The following USP25 variants were observed in gnomAD, a reference collection of about 807,000 sequenced individuals.
The protein encoded by USP25 is ubiquitin specific peptidase 25.
A neutral mutation model predicts 158.5 loss-of-function variants in USP25; 85 were observed. The observed-to-expected ratio is 0.54, with a 90% confidence interval of 0.45 to 0.64. USP25 has a LOEUF of 0.64. Ranked by LOEUF, USP25 falls within the 30% of genes least tolerant of loss-of-function variation. The pLI is 0.00. For missense variants in USP25, 1,242 were observed against 1,327.3 expected, an observed-to-expected ratio of 0.94 and a Z score of 1.00; for synonymous variants, 464 against 460.4, an observed-to-expected ratio of 1.01 and a Z score of -0.10.
chr21:15,866,855 C>A (rs2146570484), intron 22 of USP25, among the ~76,000 whole-genome samples: 1 of 152,216 alleles, frequency 6.6e-6, no homozygotes, highest in Admixed American at 6.5e-5. Flanking sequence ...AGTGAAGTAA[C>A]CTGCCTAAGG....
chr21:15,752,346 G>A (rs1476550433), intron 1 of USP25, among the ~76,000 whole-genome samples: 2 of 152,036 alleles, frequency 1.3e-5, no homozygotes, highest in South Asian at 2.1e-4. Flanking sequence ...CTCCTGAGTA[G>A]CTGGGACTAC....
Position 15,799,804 on chromosome 21 carries a change from G to A in USP25, c.603G>A (p.Lys201=), listed in dbSNP as rs372058610. The A allele has an allele frequency of 1.9e-6, 3 of 1,601,168 alleles. No individual in the cohort carries two copies. Among genetic ancestry groups the A allele is most frequent in the Non-Finnish European group, 1.7e-6 (2 of 1,173,824 alleles). Residue 201 remains lysine, a synonymous_variant, in exon 6 of 26, where the codon AAG becomes AAA. Coordinates refer to ENST00000400183, the MANE Select transcript of USP25 (RefSeq NM_001283041.3). ...TTAGAAGATTAGTTCTGAATTACAA[G>A]CCTCCATCAAATGCTCAAGATTTAC... ...LEFRRLVLNY[K]PPSNAQDLPR... is the part of the protein sequence containing the mutation.
chr21:15,775,522 A>G (rs369035351), intron 3 of USP25, among the ~76,000 whole-genome samples: 1 of 152,150 alleles, frequency 6.6e-6, no homozygotes, highest in African/African-American at 2.4e-5. Flanking sequence ...GTTCAAGAAC[A>G]TACTTCTATA....
chr21:15,853,028 G>C (rs2038958386), intron 20 of USP25, among the ~76,000 whole-genome samples: 1 of 152,120 alleles, frequency 6.6e-6, no homozygotes, highest in South Asian at 2.1e-4. Context: ...CAGTAATATA[G>C]AGGTGTCTAA....
intron 20 of USP25, among the ~76,000 whole-genome samples, chr21:15,855,375 A>G (rs561617228): frequency 2.6e-5 from 4 of 152,200 alleles, no homozygotes; most frequent in Non-Finnish European, 5.9e-5. Flanking sequence ...TTATTAGAAT[A>G]TAAAACATGT....
chr21:15,784,813 A>G (rs966459766), intron 4 of USP25, among the ~76,000 whole-genome samples: 1 of 152,166 alleles, frequency 6.6e-6, no homozygotes, highest in Non-Finnish European at 1.5e-5. Flanking sequence ...GAAAACCACC[A>G]AACCACAGAA....
intron 3 of USP25, among the ~76,000 whole-genome samples, chr21:15,772,627 TTC>T (rs1445318530): frequency 2.0e-5 from 3 of 152,240 alleles, no homozygotes; most frequent in South Asian, 2.1e-4. Flanking sequence ...GCCAAAGTTA[TTC>T]TGTTTCTTTT....
intron 5 of USP25, among the ~76,000 whole-genome samples, chr21:15,794,077 C>T (rs567880862): frequency 2.0e-5 from 3 of 151,506 alleles, no homozygotes; most frequent in East Asian, 3.9e-4. Flanking sequence ...AAAATTTTCT[C>T]GGGGATGGAA....
At chr21:15,868,656 G>A (rs1301530611) in intron 22 of USP25, among the ~76,000 whole-genome samples, 1 of 152,186 alleles carries the variant, frequency 6.6e-6, no homozygotes, top group African/African-American at 2.4e-5. Flanking sequence ...ACCTGTTTTT[G>A]TAAATAAACT....
At chr21:15,772,436 T>C (rs983844679) in intron 3 of USP25, among the ~76,000 whole-genome samples, 12 of 152,354 alleles carry the variant, frequency 7.9e-5, no homozygotes, top group Admixed American at 2.0e-4. Flanking sequence ...GTGTGTGCTG[T>C]TGAATTGTAT....
chr21:15,804,940 C>T (rs2036306127), intron 6 of USP25, among the ~76,000 whole-genome samples, 181 bp from the exon 7 acceptor site: 1 of 152,062 alleles, frequency 6.6e-6, no homozygotes, highest in South Asian at 2.1e-4. Context: ...TGCTGGACTT[C>T]TTTGAGTCTC....
intron 17 of USP25, among the ~76,000 whole-genome samples, chr21:15,839,886 C>T (rs2038248399): frequency 6.6e-6 from 1 of 151,974 alleles, no homozygotes. Flanking sequence ...GTTCTTTTAT[C>T]TTTAGTGTTC....
chr21:15,783,209 A>G (rs79583439), intron 4 of USP25, among the ~76,000 whole-genome samples: 4,117 of 109,338 alleles, frequency 0.038, 190 homozygotes, highest in African/African-American at 0.12. Context: ...TCAGAAGAAG[A>G]AAAAAAAAAA....
At chr21:15,809,614 A>G (rs1170057867) in intron 8 of USP25, among the ~76,000 whole-genome samples, 1 of 152,220 alleles carries the variant, frequency 6.6e-6, no homozygotes, top group Non-Finnish European at 1.5e-5. Context: ...GATTAAAAAT[A>G]TAATCACCAT....
At chr21:15,756,162 C>T (rs1600820378) in intron 1 of USP25, among the ~76,000 whole-genome samples, 1 of 152,102 alleles carries the variant, frequency 6.6e-6, no homozygotes, top group Admixed American at 6.5e-5. Flanking sequence ...AGTTTTCTTT[C>T]CTGCTATAGG....
chr21:15,737,858 G>T (rs2031672061), intron 1 of USP25, among the ~76,000 whole-genome samples: 2 of 150,676 alleles, frequency 1.3e-5, no homozygotes. Flanking sequence ...TTCAGATTTT[G>T]GAATATTTGT....
chr21:15,777,812 T>A, intron 3 of USP25, 92 bp from the exon 4 acceptor site: 1 of 1,263,072 alleles, frequency 7.9e-7, no homozygotes, highest in South Asian at 1.9e-5. Flanking sequence ...ACTGACTGGT[T>A]TAAAGAGTAT....
At chr21:15,821,311 C>G (rs61664470) in intron 10 of USP25, among the ~76,000 whole-genome samples, 2,670 of 152,036 alleles carry the variant, frequency 0.018, 65 homozygotes, top group African/African-American at 0.061. Flanking sequence ...GTCACATAGT[C>G]TGTATTTATA....
At chr21:15,864,247 C>T in intron 20 of USP25, 21 bp from the exon 21 acceptor site, 1 of 1,576,216 alleles carries the variant, frequency 6.3e-7, no homozygotes, top group Non-Finnish European at 8.6e-7. Context: ...CCAAAATTAT[C>T]ATTTTCATTG....
Sources: gnomAD v4.1 joint callset for allele counts (sites outside exome capture counted in the v4.1 genomes callset) on GRCh38, gnomAD v4.1.1 for gene constraint, MANE v1.5 for transcripts, NCBI Gene and HGNC (gene_info 2026-07-23, HGNC 2026-07-21) for gene names.